Variants in HNRNPD observed in about 807,000 individuals in gnomAD.
HNRNPD encodes the protein heterogeneous nuclear ribonucleoprotein D0.
A neutral mutation model predicts 47.9 loss-of-function variants in HNRNPD; 3 were observed. That is an observed-to-expected ratio of 0.06 (90% confidence interval 0.03 to 0.16). The LOEUF is 0.16. Ranked by LOEUF, HNRNPD falls within the 10% of genes least tolerant of loss-of-function variation. The pLI is 1.00. For missense variants in HNRNPD, 287 were observed against 454.2 expected (o/e 0.63, Z 3.35); for synonymous variants, 171 against 165.1 (o/e 1.04, Z -0.28).
At chr4:82,371,367 CATG>C (rs1467744161) in intron 2 of HNRNPD, among the ~76,000 whole-genome samples, 158 bp downstream of exon 2, 20 of 152,164 alleles carry the variant, frequency 1.3e-4, no homozygotes, top group Non-Finnish European at 2.9e-5. Context: ...AAAGATTACA[CATG>C]ATGCCTATAA....
intron 7 of HNRNPD, chr4:82,355,820 T>TC (rs1188808529): frequency 1.7e-5 from 3 of 175,410 alleles, no homozygotes; most frequent in African/African-American, 7.1e-5. Flanking sequence ...CTGACCTTCT[T>TC]CTGACTTTAA....
At position 82,358,670 on chromosome 4, in the gene HNRNPD, C is replaced by T. The variant is rs754940013; in HGVS notation, c.610G>A (p.Gly204Ser). 53 of 1,605,812 alleles carry T rather than the reference C, an allele frequency of 3.3e-5. No homozygotes were observed. The highest frequency in any genetic ancestry group is 4.1e-5 in the Non-Finnish European group (48 of 1,178,370). ...PEEKIREYFG[G>S]FGEVESIELP... is the part of the protein sequence containing the mutation. ...CATTTATAACATACCTCACCAAAAC[C>T]ACCAAAGTACTCCCTTATTTTCTCT... The change falls in exon 4 of 9, where the codon GGT becomes AGT. Residue 204 changes from glycine to serine, a missense_variant. Gly to Ser is a moderately conservative substitution (Grantham distance 56). Coordinates refer to ENST00000313899, the MANE Select transcript of HNRNPD (RefSeq NM_031370.3).
chr4:82,373,248 G>C (rs1027460244), intron 1 of HNRNPD, 198 bp downstream of exon 1: 1 of 757,604 alleles, frequency 1.3e-6, no homozygotes, highest in Non-Finnish European at 2.2e-6. Context: ...TGATGGGGGA[G>C]GGGGGCGATA....
At position 82,373,942 on chromosome 4, in the gene HNRNPD, C is replaced by G. The variant is rs922241926; in HGVS notation, c.-264G>C. The G allele has an allele frequency of 1.3e-6, 1 of 781,548 alleles. No homozygotes were observed. Among genetic ancestry groups the G allele is most frequent in the African/African-American group, 1.8e-5 (1 of 54,122 alleles). The allele number at this position is 781,548 out of a possible 1,614,324, so 48.4% of individuals were successfully genotyped here. On this transcript the variant is annotated 5_prime_UTR_variant, in exon 1 of 9. Transcript: ENST00000313899. Reference sequence around the variant, plus strand: ...TAAGCACCAGCGGCGGCCGCTCTCGCCTCCTCCTCGCTTTAATGGCGCCGC... The same window carrying G: ...TAAGCACCAGCGGCGGCCGCTCTCGGCTCCTCCTCGCTTTAATGGCGCCGC...
intron 1 of HNRNPD, among the ~76,000 whole-genome samples, chr4:82,372,076 G>A (rs1389469538): frequency 6.6e-6 from 1 of 151,668 alleles, no homozygotes; most frequent in Non-Finnish European, 1.5e-5. Flanking sequence ...AAAGGAAATC[G>A]TGTTTTCTAA....
chr4:82,370,280 G>A (rs1023596499), intron 2 of HNRNPD, among the ~76,000 whole-genome samples: 5 of 152,056 alleles, frequency 3.3e-5, no homozygotes, highest in East Asian at 3.8e-4. Flanking sequence ...ATATTACATC[G>A]TTTTAGGTAG....
In HNRNPD at chr4:82,373,860, G is replaced by T. The variant is rs1164030007; in HGVS notation, c.-182C>A. On this transcript the variant is annotated 5_prime_UTR_variant, in exon 1 of 9. Transcript: ENST00000313899. ...CGCCTCTCCCTGGCCTGCCCCCTTC[G>T]CCTCCCACTCTCGCGCGGCGCACAC... 8 of 1,344,746 alleles carry T rather than the reference G, an allele frequency of 5.9e-6. No individual in the cohort carries two copies. Among genetic ancestry groups the T allele is most frequent in the Non-Finnish European group, 7.8e-6 (8 of 1,022,886 alleles). The allele number at this position is 1,344,746 out of a possible 1,614,324, so 83.3% of individuals were successfully genotyped here. A position where few individuals can be genotyped will look rare whatever the true frequency, so the allele number is the denominator to read the frequency against.
At chr4:82,361,690 C>T (rs1346310781) in intron 2 of HNRNPD, among the ~76,000 whole-genome samples, 1 of 152,122 alleles carries the variant, frequency 6.6e-6, no homozygotes, top group East Asian at 1.9e-4. Flanking sequence ...AAAACAATTA[C>T]AAAGAAATAA....
chr4:82,369,288 G>A (rs1719913459), intron 2 of HNRNPD, among the ~76,000 whole-genome samples: 1 of 152,158 alleles, frequency 6.6e-6, no homozygotes. Flanking sequence ...AAAAACTACG[G>A]ATGTTAATGT....
At chr4:82,357,562 A>G (rs1723769271) in intron 4 of HNRNPD, 118 bp from the exon 5 acceptor site, 3 of 794,376 alleles carry the variant, frequency 3.8e-6, no homozygotes, top group Non-Finnish European at 5.7e-6. Context: ...CTGAAGTTCT[A>G]GTCTCCTGTT....
Position 82,369,687 on chromosome 4 carries a change from C to CA in HNRNPD, c.290+1840dup, listed in dbSNP as rs60372443. Among the ~76,000 whole-genome samples, 414 of 122,588 alleles carry CA rather than the reference C, an allele frequency of 3.4e-3. 1 individual carries two copies. The highest frequency in any genetic ancestry group is 0.012 in the East Asian group (57 of 4,792). 80.4% of individuals were successfully genotyped at this position (122,588 alleles called of 152,430 possible). A position where few individuals can be genotyped will look rare whatever the true frequency, so the allele number is the denominator to read the frequency against. On this transcript the variant is annotated intron_variant, in intron 2 of 8. Coordinates refer to ENST00000313899, the MANE Select transcript of HNRNPD (RefSeq NM_031370.3). ...CAGATACGGTGGGGAGTGCAGACAC[C>CA]AAAAAAAAAAAAAGAGAGAGAAAAA...
Position 82,356,844 on chromosome 4 carries a change from ACTGTTG to A in HNRNPD, c.799_804del (p.Gln267_Gln268del). 2 of 1,614,080 alleles carry A rather than the reference ACTGTTG, an allele frequency of 1.2e-6. No individual in the cohort carries two copies. Among genetic ancestry groups the A allele is most frequent in the African/African-American group, 1.3e-5 (1 of 75,036 alleles). On this transcript the variant is annotated inframe_deletion, in exon 6 of 9. Transcript: ENST00000313899. ...CCTGCAAATCCTCCTCTAGATCCCC[ACTGTTG>A]CTGTTGCTGATATTGTTCCTTCGAC... is the stretch of plus-strand genomic sequence containing the variant.
intron 2 of HNRNPD, among the ~76,000 whole-genome samples, chr4:82,366,206 G>A (rs186711747): frequency 6.6e-6 from 1 of 152,104 alleles, no homozygotes; most frequent in South Asian, 2.1e-4. Context: ...CTACTAAAAA[G>A]CGAAGTTGAA....
intron 4 of HNRNPD, 157 bp from the exon 5 acceptor site, chr4:82,357,601 G>T: frequency 1.7e-6 from 1 of 574,892 alleles, no homozygotes; most frequent in Non-Finnish European, 2.9e-6. Context: ...TCCTTTTAAG[G>T]AATTCTTCAA....
At chr4:82,358,875 G>T in intron 3 of HNRNPD, 55 bp from the exon 4 acceptor site, 5 of 1,269,230 alleles carry the variant, frequency 3.9e-6, no homozygotes, top group South Asian at 1.4e-5. Flanking sequence ...GAAGTTCAGA[G>T]ACTATTAACT....
chr4:82,371,487 T>C (rs761951278), intron 2 of HNRNPD, 41 bp downstream of exon 2: 1 of 1,524,544 alleles, frequency 6.6e-7, no homozygotes, highest in African/African-American at 1.4e-5. Flanking sequence ...TTATGACTAC[T>C]GAAACCTTTA....
intron 2 of HNRNPD, among the ~76,000 whole-genome samples, chr4:82,369,687 CAAA>C (rs60372443): frequency 2.4e-5 from 3 of 122,638 alleles, no homozygotes; most frequent in Non-Finnish European, 3.4e-5. Context: ...GTGCAGACAC[CAAA>C]AAAAAAAAAA....
At chr4:82,371,686 G>C (rs1405652801) in intron 1 of HNRNPD, 102 bp from the exon 2 acceptor site, 2 of 840,238 alleles carry the variant, frequency 2.4e-6, no homozygotes, top group African/African-American at 1.7e-5. Context: ...TTCAACAGTA[G>C]GTAACTATAA....
rs1344077119 is a variant in HNRNPD, at chr4:82,358,508, C to T, written c.621+151G>A. Reference sequence around the variant, plus strand: ...ACATTATCCAACCTTCAAAGACCTGCTAATGAAGTATTTACAATATCCTTA... The same window carrying T: ...ACATTATCCAACCTTCAAAGACCTGTTAATGAAGTATTTACAATATCCTTA... On this transcript the variant is annotated intron_variant, in intron 4 of 8. Transcript: ENST00000313899. The T allele has an allele frequency of 1.6e-5, 11 of 669,708 alleles. No individual in the cohort carries two copies. In the South Asian group the frequency reaches 2.1e-4, roughly 13 times the overall value. 41.5% of individuals were successfully genotyped at this position (669,708 alleles called of 1,614,324 possible). A position where few individuals can be genotyped will look rare whatever the true frequency, so the allele number is the denominator to read the frequency against.
Sources: gnomAD v4.1 joint callset for allele counts (sites outside exome capture counted in the v4.1 genomes callset) on GRCh38, gnomAD v4.1.1 for gene constraint, MANE v1.5 for transcripts, NCBI Gene and HGNC (gene_info 2026-07-23, HGNC 2026-07-21) for gene names.